Variants in CCDC102B observed in about 807,000 individuals in gnomAD.
The protein encoded by CCDC102B is coiled-coil domain-containing protein 102B.
In CCDC102B, 75 loss-of-function variants were observed where a neutral mutation model predicts 57.4. That is an observed-to-expected ratio of 1.31 (90% CI 1.08 to 1.58). CCDC102B has a LOEUF of 1.58. Among genes scored for constraint, CCDC102B ranks in the 40% most tolerant of loss-of-function variants. The pLI is 0.00. For missense variants in CCDC102B, 636 were observed against 582.6 expected, an observed-to-expected ratio of 1.09 and a Z score of -0.94; for synonymous variants, 206 against 201.9, an observed-to-expected ratio of 1.02 and a Z score of -0.17.
chr18:69,056,956 C>T (rs1048010411), downstream of CCDC102B, among the ~76,000 whole-genome samples: 1 of 152,008 alleles, frequency 6.6e-6, no homozygotes, highest in Admixed American at 6.6e-5. Flanking sequence ...CCTTTAGATA[C>T]CTCATATAAA....
Position 68,837,126 on chromosome 18 carries a change from A to C in CCDC102B, c.363A>C (p.Arg121Ser), listed in dbSNP as rs2037416877. ...GGAACAGTGCCAGGGAGGAAGGAAG[A>C]CAACTCAGAATAAAACTAGAGATGG... ...AERNSAREEG[R>S]QLRIKLEMAM... is the part of the protein sequence containing the mutation. Residue 121 changes from arginine to serine, a missense_variant, in exon 2 of 8, where the codon AGA (arginine) becomes AGC (serine). Arg to Ser is a moderately radical substitution (Grantham distance 110). Coordinates refer to ENST00000360242, the MANE Select transcript of CCDC102B (RefSeq NM_024781.3). The C allele has an allele frequency of 2.5e-6, 4 of 1,614,058 alleles. No homozygotes were observed. Among genetic ancestry groups the C allele is most frequent in the Non-Finnish European group, 2.5e-6 (3 of 1,180,044 alleles).
chr18:68,969,670 TG>T (rs1442116784), intron 6 of CCDC102B, among the ~76,000 whole-genome samples: 1 of 152,058 alleles, frequency 6.6e-6, no homozygotes, highest in Non-Finnish European at 1.5e-5. Flanking sequence ...TTAAATATTT[TG>T]TTGTGTTTTT....
chr18:68,974,715 A>C (rs968237946), intron 6 of CCDC102B, among the ~76,000 whole-genome samples: 2 of 151,952 alleles, frequency 1.3e-5, no homozygotes, highest in African/African-American at 4.8e-5. Context: ...TTTTAAAGTG[A>C]CATTAAATTT....
At chr18:68,719,889 C>T (rs937266068) in intron 2 of CCDC102B, among the ~76,000 whole-genome samples, 82 of 152,232 alleles carry the variant, frequency 5.4e-4, no homozygotes, top group African/African-American at 1.9e-3. Context: ...CAAACAGGCC[C>T]ATTTCACTTG....
intron 7 of CCDC102B, among the ~76,000 whole-genome samples, chr18:69,044,678 G>C (rs1249474192): frequency 6.6e-6 from 1 of 152,104 alleles, no homozygotes; most frequent in Non-Finnish European, 1.5e-5. Flanking sequence ...TTTAAAATGA[G>C]GAAACTGAAG....
chr18:68,914,971 G>C (rs551169663), intron 6 of CCDC102B, among the ~76,000 whole-genome samples: 1 of 39,662 alleles, frequency 2.5e-5, no homozygotes, highest in African/African-American at 9.4e-5. Context: ...GGCACTACTG[G>C]GGGGAGAGAG....
At chr18:68,766,392 G>A (rs2034471482) in intron 2 of CCDC102B, among the ~76,000 whole-genome samples, 1 of 152,128 alleles carries the variant, frequency 6.6e-6, no homozygotes, top group Admixed American at 6.6e-5. Flanking sequence ...AGGTCTTACA[G>A]TTTTTAGTTA....
At chr18:69,006,069 A>G (rs967074056) in intron 6 of CCDC102B, among the ~76,000 whole-genome samples, 33 of 152,246 alleles carry the variant, frequency 2.2e-4, no homozygotes, top group African/African-American at 7.9e-4. Flanking sequence ...GCATATTAGA[A>G]TAAGCTTGCT....
chr18:68,934,281 T>G (rs1299305264), intron 6 of CCDC102B, among the ~76,000 whole-genome samples: 1 of 151,988 alleles, frequency 6.6e-6, no homozygotes, highest in Non-Finnish European at 1.5e-5. Context: ...TTTCTTTTTT[T>G]GACTATCAGA....
intron 6 of CCDC102B, among the ~76,000 whole-genome samples, chr18:68,964,160 T>A (rs1258376714): frequency 1.3e-5 from 2 of 151,952 alleles, no homozygotes; most frequent in Non-Finnish European, 2.9e-5. Flanking sequence ...TTTACAATTT[T>A]ATTTTATTTT....
chr18:68,742,543 T>G (rs1186950098), intron 2 of CCDC102B, among the ~76,000 whole-genome samples: 1 of 152,244 alleles, frequency 6.6e-6, no homozygotes, highest in Non-Finnish European at 1.5e-5. Context: ...TGTTTGTATA[T>G]AAGGCAAACA....
intron 1 of CCDC102B, among the ~76,000 whole-genome samples, chr18:68,802,207 CTTTG>C (rs758077783): frequency 7.2e-5 from 11 of 152,180 alleles, no homozygotes; most frequent in Non-Finnish European, 1.2e-4. Flanking sequence ...TTTGTTCTAT[CTTTG>C]TTTGGAAATC....
At chr18:68,987,747 C>T (rs1449290142) in intron 6 of CCDC102B, among the ~76,000 whole-genome samples, 1 of 151,856 alleles carries the variant, frequency 6.6e-6, no homozygotes, top group African/African-American at 2.4e-5. Context: ...CATGAACAGA[C>T]ACTTCTGAAA....
At chr18:68,768,077 A>C (rs2034524745) in intron 2 of CCDC102B, among the ~76,000 whole-genome samples, 1 of 152,222 alleles carries the variant, frequency 6.6e-6, no homozygotes. Context: ...AATTTATTAC[A>C]ACTGGTAATC....
Position 68,989,949 on chromosome 18 carries a change from T to C in CCDC102B, c.1264-20985T>C, listed in dbSNP as rs1028098491. 3.3e-5 allele frequency among the ~76,000 whole-genome samples: 5 copies of C among 152,282 alleles called. No homozygotes were observed. The East Asian group carries it at 9.7e-4, about 29-fold the overall frequency. On this transcript the variant is annotated intron_variant, in intron 6 of 7. Coordinates refer to ENST00000360242, the MANE Select transcript of CCDC102B (RefSeq NM_024781.3). ...ACTTCATCCATCCAGTTGGTCCTTT[T>C]GAGTGGAGTTGGTTATTTTGTTGTT... is the stretch of plus-strand genomic sequence containing the variant.
At chr18:68,779,430 T>C (rs1457294143) in intron 2 of CCDC102B, among the ~76,000 whole-genome samples, 1 of 152,166 alleles carries the variant, frequency 6.6e-6, no homozygotes, top group Non-Finnish European at 1.5e-5. Context: ...TAGTACAAAA[T>C]TGCTTAAGGC....
At chr18:69,021,558 C>T (rs962651373) in intron 7 of CCDC102B, among the ~76,000 whole-genome samples, 4 of 152,114 alleles carry the variant, frequency 2.6e-5, no homozygotes, top group African/African-American at 7.2e-5. Flanking sequence ...AGCTTTTTAA[C>T]GTTGTGAGAG....
downstream of CCDC102B, among the ~76,000 whole-genome samples, chr18:69,057,370 G>C (rs1164279321): frequency 6.6e-6 from 1 of 152,000 alleles, no homozygotes; most frequent in Non-Finnish European, 1.5e-5. Flanking sequence ...GATTCTTGCA[G>C]CTGCATTTTA....
At chr18:68,733,010 G>T (rs1404462906) in intron 2 of CCDC102B, among the ~76,000 whole-genome samples, 1 of 152,100 alleles carries the variant, frequency 6.6e-6, no homozygotes, top group Non-Finnish European at 1.5e-5. Flanking sequence ...TAGAAAAGTT[G>T]GTGGGGAAGG....
Sources: gnomAD v4.1 joint callset for allele counts (sites outside exome capture counted in the v4.1 genomes callset) on GRCh38, gnomAD v4.1.1 for gene constraint, MANE v1.5 for transcripts, NCBI Gene and HGNC (gene_info 2026-07-23, HGNC 2026-07-21) for gene names.